The following RPTOR variants were observed in gnomAD, a reference collection of about 807,000 sequenced individuals.
The protein encoded by RPTOR is regulatory associated protein of MTOR complex 1.
RPTOR carries 21 observed loss-of-function variants against 169.9 expected under a neutral mutation model. The ratio of observed to expected loss-of-function variants is 0.12; its 90% CI spans 0.09 to 0.18. RPTOR has a LOEUF of 0.18. RPTOR is among the 10% of genes least tolerant of loss of function. The probability of loss-of-function intolerance (pLI) is 1.00; values close to 1 mark genes in which losing one functional copy is unlikely to be tolerated. For missense variants in RPTOR, 1,133 were observed against 1,855.9 expected (o/e 0.61, Z 7.16); for synonymous variants, 732 against 753.2 (o/e 0.97, Z 0.46).
chr17:80,786,744 C>T (rs935989017), intron 6 of RPTOR, among the ~76,000 whole-genome samples: 7 of 152,224 alleles, frequency 4.6e-5, no homozygotes, highest in African/African-American at 1.7e-4. Flanking sequence ...GCTGTTTATA[C>T]ATCAGGTTGG....
chr17:80,953,766 C>G (rs2069212486), intron 28 of RPTOR, among the ~76,000 whole-genome samples: 1 of 152,236 alleles, frequency 6.6e-6, no homozygotes, highest in South Asian at 2.1e-4. Flanking sequence ...CTGTTGGCTG[C>G]ACAGCTGCAG....
intron 9 of RPTOR, among the ~76,000 whole-genome samples, chr17:80,833,234 G>A (rs977787247): frequency 6.6e-6 from 1 of 152,192 alleles, no homozygotes; most frequent in Non-Finnish European, 1.5e-5. Flanking sequence ...CCCAGCTCTT[G>A]CCTGGATGAC....
In RPTOR at chr17:80,820,565, C is replaced by T. The variant is rs1356952260; in HGVS notation, c.891-1636C>T. On this transcript the variant is annotated intron_variant, in intron 7 of 33. Transcript: ENST00000306801. The surrounding 1 kb of genome is among the most constrained non-coding windows in gnomAD (Gnocchi z 4.1). The stretch of plus-strand genomic sequence containing the variant: ...AGGTGTGCCCCACCCTCACATTCCT[C>T]CGTGGGGCCAAGCTCTGTCGTAGGT... 6.6e-6 allele frequency among the ~76,000 whole-genome samples: 1 copy of T among 152,090 alleles called. No individual in the cohort carries two copies. Among genetic ancestry groups the T allele is most frequent in the Non-Finnish European group, 1.5e-5 (1 of 68,012 alleles).
At chr17:80,854,626 G>A (rs1326832353) in intron 11 of RPTOR, among the ~76,000 whole-genome samples, 1 of 152,240 alleles carries the variant, frequency 6.6e-6, no homozygotes, top group African/African-American at 2.4e-5. Context: ...AGGCATGATG[G>A]CCCACGCCTG....
At chr17:80,640,799 C>T (rs922877317) in intron 2 of RPTOR, among the ~76,000 whole-genome samples, 1 of 74,534 alleles carries the variant, frequency 1.3e-5, no homozygotes, top group African/African-American at 5.4e-5. Context: ...AATGGGAACT[C>T]CCTCCCTTCT....
At chr17:80,737,928 T>C (rs919755344) in intron 5 of RPTOR, among the ~76,000 whole-genome samples, 1 of 149,830 alleles carries the variant, frequency 6.7e-6, no homozygotes, top group Non-Finnish European at 1.5e-5. Context: ...GTCCAAAACA[T>C]ACAGTAGAAA....
chr17:80,720,963 C>T (rs1245485491), intron 4 of RPTOR, among the ~76,000 whole-genome samples: 1 of 151,148 alleles, frequency 6.6e-6, no homozygotes, highest in African/African-American at 2.5e-5. Flanking sequence ...CTGCTTCTTA[C>T]GTGTCGGGAG....
chr17:80,552,468 CT>C (rs2143214624), intron 1 of RPTOR, among the ~76,000 whole-genome samples: 1 of 152,300 alleles, frequency 6.6e-6, no homozygotes, highest in African/African-American at 2.4e-5. Context: ...CTCCTGATGG[CT>C]ATTTATTTCT....
chr17:80,552,739 A>C (rs568789323), intron 1 of RPTOR, among the ~76,000 whole-genome samples: 1 of 152,254 alleles, frequency 6.6e-6, no homozygotes, highest in Non-Finnish European at 1.5e-5. Context: ...TGAATGGCTT[A>C]CCTAAAGTTA....
intron 4 of RPTOR, among the ~76,000 whole-genome samples, chr17:80,710,418 G>A (rs2066178566): frequency 6.6e-6 from 1 of 152,126 alleles, no homozygotes; most frequent in Non-Finnish European, 1.5e-5. Flanking sequence ...TCCTCGCAGA[G>A]GGAGAGTTTC....
chr17:80,867,892 C>T (rs1489586883), intron 13 of RPTOR, among the ~76,000 whole-genome samples: 2 of 152,162 alleles, frequency 1.3e-5, no homozygotes, highest in African/African-American at 2.4e-5. Flanking sequence ...AGAGATCGTC[C>T]GTTATCTTGA....
intron 4 of RPTOR, chr17:80,709,184 C>A: frequency 1.5e-6 from 1 of 655,924 alleles, no homozygotes; most frequent in Non-Finnish European, 1.9e-6. Context: ...TGGATACCAG[C>A]TTGATTTTAA....
At chr17:80,649,896 C>T (rs1218221523) in intron 3 of RPTOR, among the ~76,000 whole-genome samples, 2 of 152,214 alleles carry the variant, frequency 1.3e-5, no homozygotes, top group African/African-American at 4.8e-5. Context: ...TGCCCACGCA[C>T]TTCCTGCCTT....
chr17:80,925,164 C>T lies in RPTOR; in HGVS notation c.2809-206C>T, dbSNP rs540342192. On this transcript the variant is annotated intron_variant, in intron 23 of 33. Coordinates refer to ENST00000306801, the MANE Select transcript of RPTOR (RefSeq NM_020761.3). ...CCGACGTGGCTCACACTTCACAGCC[C>T]GGGCCCCTCAATCCCTGGCCAGACG... Among the ~76,000 whole-genome samples the T allele has an allele frequency of 7.9e-5, 12 of 152,332 alleles. No homozygotes were observed. In the East Asian group the frequency reaches 1.9e-3, roughly 25 times the overall value.
chr17:80,788,419 G>C (rs2067015471), intron 6 of RPTOR, among the ~76,000 whole-genome samples: 1 of 152,170 alleles, frequency 6.6e-6, no homozygotes, highest in Non-Finnish European at 1.5e-5. Flanking sequence ...CTGCACTCCA[G>C]CCTGGGTGAC....
At chr17:80,696,530 A>T (rs2066038038) in intron 3 of RPTOR, among the ~76,000 whole-genome samples, 2 of 152,070 alleles carry the variant, frequency 1.3e-5, no homozygotes, top group African/African-American at 4.8e-5. Flanking sequence ...TTGGGTGACG[A>T]CTCTGTGCCC....
At chr17:80,784,320 G>C (rs1263435192) in intron 6 of RPTOR, among the ~76,000 whole-genome samples, 1 of 152,090 alleles carries the variant, frequency 6.6e-6, no homozygotes, top group African/African-American at 2.4e-5. Context: ...GGGATGTTTA[G>C]TTCTTTGGGT....
chr17:80,592,392 A>G (rs1399015148), intron 1 of RPTOR, among the ~76,000 whole-genome samples: 1 of 152,132 alleles, frequency 6.6e-6, no homozygotes, highest in African/African-American at 2.4e-5. Flanking sequence ...AGTGGAAGGG[A>G]GAAGAGTGCT....
rs887155084 is a variant in RPTOR at position 80,545,413 on chromosome 17, A to G, written c.-217A>G. The G allele has an allele frequency of 2.9e-5, 13 of 452,828 alleles. No homozygotes were observed. Among genetic ancestry groups the G allele is most frequent in the South Asian group, 1.5e-4 (4 of 26,590 alleles). The allele number at this position is 452,828 out of a possible 1,614,324, so 28.1% of individuals were successfully genotyped here. A position where few individuals can be genotyped will look rare whatever the true frequency, so the allele number is the denominator to read the frequency against. ...TCTGCGGAGCTTCTTGGGCTGCCCC[A>G]TTTCCTAGCGGCCCCCACCTCCCCA... is the stretch of plus-strand genomic sequence containing the variant. On this transcript the variant is annotated 5_prime_UTR_variant, in exon 1 of 34. Transcript: ENST00000306801.
Sources: allele counts gnomAD v4.1 joint callset (sites outside exome capture counted in the v4.1 genomes callset), GRCh38; gene constraint gnomAD v4.1.1; non-coding constraint Gnocchi (gnomAD v3.1); transcripts MANE v1.5; gene names NCBI Gene and HGNC (gene_info 2026-07-23, HGNC 2026-07-21).